PDE4D: variants seen among roughly 807,000 people sequenced by gnomAD.
PDE4D encodes 3',5'-cyclic-AMP phosphodiesterase 4D.
PDE4D carries 24 observed loss-of-function variants against 87.4 expected under a neutral mutation model. The observed-to-expected ratio is 0.27, with a 90% CI of 0.20 to 0.39. PDE4D has a LOEUF of 0.39. Ranked by LOEUF, PDE4D falls within the 10% of genes least tolerant of loss-of-function variation. The pLI is 1.00. For synonymous variants in PDE4D, 384 were observed against 383.2 expected (o/e 1.00, Z -0.02); for missense variants, 714 against 1,041.0 (o/e 0.69, Z 4.32).
intron 1 of PDE4D, among the ~76,000 whole-genome samples, chr5:60,235,652 A>C (rs1438383161): frequency 1.3e-5 from 2 of 151,936 alleles, no homozygotes; most frequent in South Asian, 2.1e-4. Flanking sequence ...CACAAAAAAA[A>C]AATAAAACTG....
At position 59,064,335 on chromosome 5, in the gene PDE4D, A is replaced by G. The variant is rs562744191; in HGVS notation, c.809-25364T>C. On this transcript the variant is annotated intron_variant, in intron 5 of 14. Transcript: ENST00000340635. ...ACTAGCAGACCAATTAGCCAAGATG[A>G]TATTTTCATCCTTGGTACTCTTTCA... is the stretch of plus-strand genomic sequence containing the variant. Among the ~76,000 whole-genome samples, 59 of 152,260 alleles carry G rather than the reference A, an allele frequency of 3.9e-4. 1 individual carries two copies. In the South Asian group the frequency reaches 0.011, roughly 27 times the overall value.
chr5:60,511,149 C>T (rs115064381), intron 1 of PDE4D, among the ~76,000 whole-genome samples: 1,902 of 151,952 alleles, frequency 0.013, 38 homozygotes, highest in African/African-American at 0.044. Context: ...TTTGTATTTT[C>T]AGTAGAGACG....
At chr5:59,559,341 C>T (rs1819532859) in intron 1 of PDE4D, among the ~76,000 whole-genome samples, 1 of 152,164 alleles carries the variant, frequency 6.6e-6, no homozygotes, top group Non-Finnish European at 1.5e-5. Flanking sequence ...TCTTTCTTCA[C>T]ATGAGCCATG....
At chr5:60,297,899 A>G (rs4130444) in intron 1 of PDE4D, among the ~76,000 whole-genome samples, 4 of 152,184 alleles carry the variant, frequency 2.6e-5, no homozygotes, top group Non-Finnish European at 4.4e-5. Context: ...GCCCACTCCA[A>G]TTGTAGAAGA....
intron 1 of PDE4D, among the ~76,000 whole-genome samples, chr5:59,407,355 C>T (rs1357563942): frequency 6.6e-6 from 1 of 152,206 alleles, no homozygotes; most frequent in Non-Finnish European, 1.5e-5. Flanking sequence ...TATGCTTGTA[C>T]AGCCTGCAGA....
At chr5:59,108,929 A>T (rs1436731826) in intron 5 of PDE4D, among the ~76,000 whole-genome samples, 4 of 148,374 alleles carry the variant, frequency 2.7e-5, no homozygotes, top group African/African-American at 1.0e-4. Context: ...GAAAGAAATT[A>T]AAAAAAACAA....
intron 1 of PDE4D, among the ~76,000 whole-genome samples, chr5:59,474,099 G>A (rs1404540195): frequency 3.9e-5 from 6 of 151,976 alleles, no homozygotes; most frequent in African/African-American, 4.8e-5. Context: ...CTAAAATCAC[G>A]GTGTGTGTGT....
At chr5:59,536,078 T>C (rs1168222296) in intron 1 of PDE4D, among the ~76,000 whole-genome samples, 3 of 152,186 alleles carry the variant, frequency 2.0e-5, no homozygotes, top group African/African-American at 4.8e-5. Flanking sequence ...TCTGGGCAGA[T>C]GTGTAATGAA....
chr5:59,643,330 G>A (rs1429366243), intron 1 of PDE4D, among the ~76,000 whole-genome samples: 2 of 152,114 alleles, frequency 1.3e-5, no homozygotes, highest in Non-Finnish European at 2.9e-5. Flanking sequence ...GGCCCAGAGA[G>A]GGAACTCAGG....
At chr5:60,286,724 C>G (rs1370111056) in intron 1 of PDE4D, among the ~76,000 whole-genome samples, 1 of 152,076 alleles carries the variant, frequency 6.6e-6, no homozygotes, top group Non-Finnish European at 1.5e-5. Flanking sequence ...AATAAGAAGC[C>G]TCCGAAACAA....
chr5:59,731,914 T>C (rs184764942), intron 1 of PDE4D, among the ~76,000 whole-genome samples: 85 of 152,332 alleles, frequency 5.6e-4, no homozygotes, highest in Middle Eastern at 3.4e-3. Flanking sequence ...TAACTGAATG[T>C]TGTTCTTGTA....
intron 1 of PDE4D, chr5:60,262,573 T>C (rs572207510): frequency 2.0e-5 from 3 of 152,282 alleles, no homozygotes; most frequent in Admixed American, 1.3e-4. Context: ...TTACACCCAA[T>C]ATCCTGCAGA....
At chr5:59,999,797 A>G (rs1236365511) in intron 2 of PDE4D, among the ~76,000 whole-genome samples, 4 of 152,096 alleles carry the variant, frequency 2.6e-5, no homozygotes, top group African/African-American at 9.7e-5. Context: ...ATAATATTAA[A>G]GAAGTTCAAT....
chr5:59,088,813 G>A (rs1470816182), intron 5 of PDE4D, among the ~76,000 whole-genome samples: 3 of 152,132 alleles, frequency 2.0e-5, no homozygotes, highest in African/African-American at 2.4e-5. Context: ...GGAGTGAGAG[G>A]ATCAGGAAAA....
chr5:59,951,332 C>T (rs1369870022), intron 3 of PDE4D, among the ~76,000 whole-genome samples: 4 of 152,098 alleles, frequency 2.6e-5, no homozygotes, highest in African/African-American at 9.7e-5. Flanking sequence ...GATTGCACTC[C>T]AGTGTTTTAG....
chr5:59,370,092 C>T (rs942024212), intron 1 of PDE4D, among the ~76,000 whole-genome samples: 4 of 152,198 alleles, frequency 2.6e-5, no homozygotes, highest in Non-Finnish European at 4.4e-5. Flanking sequence ...TTCTCGCCAT[C>T]TCCACTGCCA....
intron 5 of PDE4D, chr5:59,172,855 C>T (rs1020334932): frequency 2.0e-5 from 3 of 151,652 alleles, no homozygotes; most frequent in African/African-American, 4.9e-5. Context: ...CGTATGCATG[C>T]CATATATAAG....
chr5:59,714,712 C>T (rs980706588), intron 1 of PDE4D, among the ~76,000 whole-genome samples: 1 of 152,226 alleles, frequency 6.6e-6, no homozygotes, highest in African/African-American at 2.4e-5. Flanking sequence ...AGTGGACTTT[C>T]ATAGTGTTGC....
At chr5:59,219,920 A>G (rs557457163) in intron 1 of PDE4D, among the ~76,000 whole-genome samples, 13 of 152,246 alleles carry the variant, frequency 8.5e-5, no homozygotes, top group African/African-American at 2.9e-4. Flanking sequence ...AACAAAACCA[A>G]GAAGGAATGA....
Sources: allele counts gnomAD v4.1 joint callset (sites outside exome capture counted in the v4.1 genomes callset), GRCh38; gene constraint gnomAD v4.1.1; transcripts MANE v1.5; gene names NCBI Gene and HGNC (gene_info 2026-07-23, HGNC 2026-07-21).